Variants in PARL observed in about 807,000 individuals in gnomAD.
The protein encoded by PARL is presenilin associated rhomboid like.
In PARL, 44 loss-of-function variants were observed where a neutral mutation model predicts 51.6. The observed-to-expected ratio is 0.85, with a 90% CI of 0.67 to 1.10. The LOEUF is 1.10. PARL is among the 50% of genes least tolerant of loss of function. PARL has a pLI of 0.00. For synonymous variants in PARL, 172 were observed against 164.0 expected, an observed-to-expected ratio of 1.05 and a Z score of -0.37; for missense variants, 441 against 469.5, an observed-to-expected ratio of 0.94 and a Z score of 0.56.
intron 4 of PARL, 79 bp from the exon 5 acceptor site, chr3:183,844,405 A>T: frequency 1.1e-6 from 1 of 901,898 alleles, no homozygotes; most frequent in Non-Finnish European, 1.8e-6. Flanking sequence ...CCCTTGTAAG[A>T]TTCTTCCACA....
At chr3:183,868,454 CCTCT>C (rs1048149282) in intron 1 of PARL, among the ~76,000 whole-genome samples, 10 of 152,062 alleles carry the variant, frequency 6.6e-5, no homozygotes, top group Non-Finnish European at 1.2e-4. Flanking sequence ...TTACTCCCTC[CCTCT>C]GTCGCTCAGT....
chr3:183,838,533 T>C (rs1326301936), intron 7 of PARL, among the ~76,000 whole-genome samples: 1 of 152,212 alleles, frequency 6.6e-6, no homozygotes, highest in Non-Finnish European at 1.5e-5. Flanking sequence ...CTGTAGGATT[T>C]TGATGACTGA....
chr3:183,884,634 A>C, intron 1 of PARL, 88 bp downstream of exon 1: 1 of 1,339,068 alleles, frequency 7.5e-7, no homozygotes, highest in Non-Finnish European at 1.0e-6. Flanking sequence ...GGCCAGCACA[A>C]GAGGCCCAGA....
intron 1 of PARL, among the ~76,000 whole-genome samples, chr3:183,881,736 T>C (rs1734453629): frequency 6.6e-6 from 1 of 151,620 alleles, no homozygotes. Context: ...TCAACCTAGG[T>C]GACAGAACAA....
At chr3:183,869,580 G>C (rs1406557226) in intron 1 of PARL, among the ~76,000 whole-genome samples, 1 of 151,804 alleles carries the variant, frequency 6.6e-6, no homozygotes, top group Non-Finnish European at 1.5e-5. Context: ...CCTTCTAGAA[G>C]GGATAGTATG....
intron 1 of PARL, among the ~76,000 whole-genome samples, chr3:183,876,645 GAA>G (rs1316145883): frequency 2.0e-4 from 15 of 73,812 alleles, no homozygotes; most frequent in African/African-American, 2.8e-4. Flanking sequence ...AAAAGAAAAA[GAA>G]AAAGAAAGAA....
At chr3:183,879,771 C>T (rs1734224951) in intron 1 of PARL, 11 of 770,770 alleles carry the variant, frequency 1.4e-5, no homozygotes, top group Non-Finnish European at 1.7e-5. Context: ...GGCTGGAGTG[C>T]AGTGGCACCA....
rs182499042 is a variant in PARL at position 183,881,162 on chromosome 3, C to G, written c.125+3560G>C. ...TTCAGATGAAGTCTTGCTCTTGTCC[C>G]CCAGGCTGGAGTACAGTGATGCAAT... On this transcript the variant is annotated intron_variant, in intron 1 of 9. Transcript: ENST00000317096. 6.8e-3 allele frequency among the ~76,000 whole-genome samples: 1,019 copies of G among 148,798 alleles called. 5 individuals carry two copies. Among genetic ancestry groups the G allele is most frequent in the Non-Finnish European group, 0.012 (800 of 67,382 alleles).
intron 4 of PARL, among the ~76,000 whole-genome samples, chr3:183,845,157 G>A (rs917926756): frequency 6.6e-6 from 1 of 152,050 alleles, no homozygotes; most frequent in Non-Finnish European, 1.5e-5. Context: ...CACCTTCTTC[G>A]ATGCCAATAA....
intron 6 of PARL, among the ~76,000 whole-genome samples, chr3:183,841,308 T>C (rs1014379790): frequency 1.3e-5 from 2 of 152,234 alleles, no homozygotes; most frequent in Admixed American, 6.5e-5. Context: ...GAAAGAACTA[T>C]ACACTTATCT....
chr3:183,840,714 T>C, intron 6 of PARL, 74 bp from the exon 7 acceptor site: 4 of 809,634 alleles, frequency 4.9e-6, no homozygotes, highest in South Asian at 1.6e-5. Context: ...CTTTTCTTTT[T>C]TTTTTTTTTG....
downstream of PARL, chr3:183,826,557 G>A: frequency 2.1e-6 from 2 of 973,266 alleles, no homozygotes; most frequent in South Asian, 9.5e-5. Flanking sequence ...GGAGGGGACT[G>A]CAGCACATCC....
intron 1 of PARL, among the ~76,000 whole-genome samples, chr3:183,881,480 GTGTTAA>G (rs1335907419): frequency 1.1e-4 from 17 of 152,344 alleles, no homozygotes; most frequent in African/African-American, 3.4e-4. Context: ...ATACAGGTCA[GTGTTAA>G]TGTTTATGTT....
chr3:183,852,323 CA>C (rs1309010027), intron 4 of PARL, among the ~76,000 whole-genome samples: 1 of 151,798 alleles, frequency 6.6e-6, no homozygotes, highest in Non-Finnish European at 1.5e-5. Context: ...TTGAGCTTTA[CA>C]AAGGAAATTT....
chr3:183,839,409 T>C, intron 7 of PARL, among the ~76,000 whole-genome samples: 1 of 152,184 alleles, frequency 6.6e-6, no homozygotes, highest in East Asian at 1.9e-4. Flanking sequence ...AAAAAATTTT[T>C]TTTCTTTGAG....
In PARL at chr3:183,833,800, G is replaced by T; in HGVS notation, c.854C>A (p.Ala285Glu). The change falls in exon 8 of 10, where the codon GCA becomes GAA. Residue 285 changes from alanine (A) to glutamate (E), a missense_variant. Transcript: ENST00000317096. ...TTCTGGGATCTTAGTGCAGACAGCTGCGAGGACTGTCATGATGGCACCAGA... is the reference window on the plus strand; with the variant it reads ...TTCTGGGATCTTAGTGCAGACAGCTTCGAGGACTGTCATGATGGCACCAGA... Reference protein sequence around the residue: ...GASGAIMTVLAAVCTKIPEGR... With the variant: ...GASGAIMTVLEAVCTKIPEGR... The T allele has an allele frequency of 1.2e-6, 2 of 1,612,578 alleles. No homozygotes were observed. Among genetic ancestry groups the T allele is most frequent in the South Asian group, 2.2e-5 (2 of 91,064 alleles).
Position 183,883,817 on chromosome 3 carries a change from T to G in PARL, c.125+905A>C, listed in dbSNP as rs149917967. ...TCTCCTGATTGTGATTTGGGAGGAC[T>G]GGGGTGAGGCCTGGGACATAAAATC... On this transcript the variant is annotated intron_variant, in intron 1 of 9. Coordinates refer to ENST00000317096, the MANE Select transcript of PARL (RefSeq NM_018622.7). 70 of 366,756 alleles carry G rather than the reference T, an allele frequency of 1.9e-4. No individual in the cohort carries two copies. The East Asian group carries it at 7.4e-3, about 39-fold the overall frequency. The allele number at this position is 366,756 out of a possible 1,614,324, so 22.7% of individuals were successfully genotyped here.
chr3:183,854,280 T>C (rs1025108343), intron 4 of PARL, among the ~76,000 whole-genome samples: 1 of 152,278 alleles, frequency 6.6e-6, no homozygotes, highest in East Asian at 1.9e-4. Flanking sequence ...CTCAAAGAGA[T>C]ATTTGCACAC....
intron 1 of PARL, among the ~76,000 whole-genome samples, chr3:183,868,425 C>T (rs978750815): frequency 1.3e-5 from 2 of 151,730 alleles, no homozygotes; most frequent in Non-Finnish European, 2.9e-5. Flanking sequence ...CTCCCTCCGT[C>T]GCCCAGGCTA....
Sources: gnomAD v4.1 joint callset for allele counts (sites outside exome capture counted in the v4.1 genomes callset) on GRCh38, gnomAD v4.1.1 for gene constraint, MANE v1.5 for transcripts, NCBI Gene and HGNC (gene_info 2026-07-23, HGNC 2026-07-21) for gene names.